Variants in FAM210A observed in about 807,000 individuals in gnomAD.
FAM210A encodes the protein family with sequence similarity 210 member A.
In FAM210A, 13 loss-of-function variants were observed where a neutral mutation model predicts 25.3. The observed-to-expected ratio is 0.51, with a 90% CI of 0.33 to 0.82. The LOEUF is 0.82. Among genes scored for constraint, FAM210A ranks in the 40% least tolerant of loss-of-function variants. The pLI is 0.02. For missense variants in FAM210A, 319 were observed against 323.2 expected, an observed-to-expected ratio of 0.99 and a Z score of 0.10; for synonymous variants, 125 against 118.7, an observed-to-expected ratio of 1.05 and a Z score of -0.35.
At chr18:13,675,486 C>CATT (rs1362143187) in intron 2 of FAM210A, among the ~76,000 whole-genome samples, 338 of 20,882 alleles carry the variant, frequency 0.016, no homozygotes, top group Middle Eastern at 0.045. Flanking sequence ...GCCCCGACTT[C>CATT]ATTTCCAGCT....
At chr18:13,670,500 G>GT (rs1568474581) in intron 3 of FAM210A, among the ~76,000 whole-genome samples, 1 of 152,300 alleles carries the variant, frequency 6.6e-6, no homozygotes, top group East Asian at 1.9e-4. Flanking sequence ...CTGTAAAACT[G>GT]TAATTCTTAG....
At chr18:13,675,166 G>A (rs2043482742) in intron 2 of FAM210A, among the ~76,000 whole-genome samples, 1 of 97,834 alleles carries the variant, frequency 1.0e-5, no homozygotes, top group Non-Finnish European at 2.1e-5. Context: ...CTGAGCCCCA[G>A]CTTCTTTATT....
intron 1 of FAM210A, among the ~76,000 whole-genome samples, chr18:13,691,056 C>T (rs2043639789): frequency 6.6e-6 from 1 of 152,134 alleles, no homozygotes; most frequent in African/African-American, 2.4e-5. Context: ...AAGAGAAGTC[C>T]TTAAATGACC....
At chr18:13,725,926 G>A (rs1234710926) in intron 1 of FAM210A, among the ~76,000 whole-genome samples, 1 of 152,226 alleles carries the variant, frequency 6.6e-6, no homozygotes, top group African/African-American at 2.4e-5. Flanking sequence ...AAACACGGCG[G>A]TAAGGACCAG....
intron 1 of FAM210A, among the ~76,000 whole-genome samples, chr18:13,683,801 TGAG>T (rs2043574854): frequency 6.6e-6 from 1 of 152,184 alleles, no homozygotes. Context: ...TAACAGACAG[TGAG>T]ATCTGAATTA....
At position 13,696,051 on chromosome 18, in the gene FAM210A, A is replaced by T. The variant is rs528681378; in HGVS notation, c.-28-13946T>A. Among the ~76,000 whole-genome samples, 3 of 152,338 alleles carry T rather than the reference A, an allele frequency of 2.0e-5. 1 individual carries two copies. In the Middle Eastern group the frequency reaches 0.01, roughly 518 times the overall value. On this transcript the variant is annotated intron_variant, in intron 1 of 3. Transcript: ENST00000651643. ...ACAACATATGTATGAGACCTATATA[A>T]GGAAAACCTCAAAACTCTGAAAGAA...
At chr18:13,692,238 A>C (rs1482496636) in intron 1 of FAM210A, among the ~76,000 whole-genome samples, 2 of 152,134 alleles carry the variant, frequency 1.3e-5, no homozygotes, top group African/African-American at 4.8e-5. Flanking sequence ...AGGAGCACTC[A>C]GATTCATAAA....
At chr18:13,715,666 A>T (rs2043856011) in intron 1 of FAM210A, among the ~76,000 whole-genome samples, 1 of 152,246 alleles carries the variant, frequency 6.6e-6, no homozygotes, top group South Asian at 2.1e-4. Context: ...CCAAACTTGC[A>T]CAGAGTTATT....
intron 1 of FAM210A, among the ~76,000 whole-genome samples, chr18:13,723,655 G>A (rs1406518949): frequency 2.6e-5 from 4 of 152,154 alleles, no homozygotes; most frequent in African/African-American, 7.2e-5. Flanking sequence ...ACTGATTATA[G>A]ATGTTAACCA....
chr18:13,715,040 G>T (rs1024006365), intron 1 of FAM210A: 7 of 151,904 alleles, frequency 4.6e-5, no homozygotes, highest in African/African-American at 1.7e-4. Context: ...CAATAACCTA[G>T]TTATATAATG....
intron 3 of FAM210A, among the ~76,000 whole-genome samples, 165 bp downstream of exon 3, chr18:13,671,697 A>G (rs2043443887): frequency 6.6e-6 from 1 of 152,068 alleles, no homozygotes; most frequent in Admixed American, 6.6e-5. Flanking sequence ...CTCCAAAAAA[A>G]AAAAAAAAAA....
Position 13,677,601 on chromosome 18 carries a change from T to C in FAM210A, c.473+4004A>G, listed in dbSNP as rs557248361. On this transcript the variant is annotated intron_variant, in intron 2 of 3. Transcript: ENST00000651643. Reference sequence around the variant, plus strand: ...CGATCTTTAACTACCAGGCCCAGGGTGTGGCGCCGGGCTGTCTGCTTGTGG... The same window carrying C: ...CGATCTTTAACTACCAGGCCCAGGGCGTGGCGCCGGGCTGTCTGCTTGTGG... Among the ~76,000 whole-genome samples the C allele has an allele frequency of 2.6e-5, 4 of 152,264 alleles. No homozygotes were observed. The South Asian group carries it at 8.3e-4, about 32-fold the overall frequency.
At chr18:13,681,176 T>C (rs1353333024) in intron 2 of FAM210A, among the ~76,000 whole-genome samples, 5 of 152,232 alleles carry the variant, frequency 3.3e-5, no homozygotes, top group Non-Finnish European at 2.9e-5. Flanking sequence ...TTTATGTCTG[T>C]GCTTTCCTGA....
chr18:13,681,649 T>C lies in FAM210A; in HGVS notation c.429A>G (p.Ile143Met). 3 of 1,612,628 alleles carry C rather than the reference T, an allele frequency of 1.9e-6. No homozygotes were observed. The highest frequency in any genetic ancestry group is 2.5e-6 in the Non-Finnish European group (3 of 1,179,602). Residue 143 changes from isoleucine to methionine, a missense_variant, in exon 2 of 4, where the codon ATA (isoleucine) becomes ATG (methionine). Physicochemically the swap from Ile to Met is conservative, Grantham distance 10. Coordinates refer to ENST00000651643, the MANE Select transcript of FAM210A (RefSeq NM_152352.4). Reference protein sequence around the residue: ...YGKVLIPVHLITSGVWFGTFY... With the variant: ...YGKVLIPVHLMTSGVWFGTFY... ...ATGTTCCAAACCAAACACCAGAAGT[T>C]ATTAGATGCACTGGAATCAGAACTT...
chr18:13,712,100 C>A (rs1319997410), intron 1 of FAM210A, among the ~76,000 whole-genome samples: 1 of 152,130 alleles, frequency 6.6e-6, no homozygotes, highest in African/African-American at 2.4e-5. Flanking sequence ...CAAAAGAGAT[C>A]TTAGGTTTCT....
At chr18:13,689,569 C>T (rs996314556) in intron 1 of FAM210A, among the ~76,000 whole-genome samples, 9 of 152,130 alleles carry the variant, frequency 5.9e-5, no homozygotes, top group Non-Finnish European at 1.0e-4. Flanking sequence ...GGAGGCTGGA[C>T]GCTCGCCCCC....
chr18:13,685,126 C>T (rs566083979), intron 1 of FAM210A, among the ~76,000 whole-genome samples: 1 of 152,102 alleles, frequency 6.6e-6, no homozygotes, highest in East Asian at 1.9e-4. Flanking sequence ...GGAGTCACAC[C>T]CTGCAAACCA....
At chr18:13,696,001 T>C (rs1601956905) in intron 1 of FAM210A, among the ~76,000 whole-genome samples, 1 of 152,278 alleles carries the variant, frequency 6.6e-6, no homozygotes, top group East Asian at 1.9e-4. Flanking sequence ...TATAATAATA[T>C]ACTCTCCCAA....
intron 2 of FAM210A, among the ~76,000 whole-genome samples, chr18:13,681,264 A>G (rs530007866): frequency 1.5e-4 from 23 of 152,326 alleles, no homozygotes; most frequent in Non-Finnish European, 2.1e-4. Flanking sequence ...TAGTCCAGGC[A>G]CCACTTCTTA....
Sources: gnomAD v4.1 joint callset for allele counts (sites outside exome capture counted in the v4.1 genomes callset) on GRCh38, gnomAD v4.1.1 for gene constraint, MANE v1.5 for transcripts, NCBI Gene and HGNC (gene_info 2026-07-23, HGNC 2026-07-21) for gene names.